Variants in STK3 observed in about 807,000 individuals in gnomAD.
STK3 encodes the protein serine/threonine kinase 3, also known as serine/threonine-protein kinase 3.
STK3 carries 41 observed loss-of-function variants against 58.0 expected under a neutral mutation model. The observed-to-expected ratio is 0.71, with a 90% CI of 0.55 to 0.92. The LOEUF (loss-of-function observed/expected upper bound fraction) is 0.92. Ranked by LOEUF, STK3 falls within the 40% of genes least tolerant of loss-of-function variation. STK3 has a pLI of 0.00. For missense variants in STK3, 479 were observed against 602.7 expected, an observed-to-expected ratio of 0.79 and a Z score of 2.15; for synonymous variants, 170 against 191.0, an observed-to-expected ratio of 0.89 and a Z score of 0.91.
chr8:98,471,357 CTTTTTTTT>C (rs554417267), intron 10 of STK3, among the ~76,000 whole-genome samples: 4 of 129,644 alleles, frequency 3.1e-5, no homozygotes, highest in Admixed American at 7.8e-5. Context: ...TTTTCCTTTT[CTTTTTTTT>C]TTTTTTTTAA....
chr8:98,628,814 C>A (rs570786099), intron 6 of STK3, among the ~76,000 whole-genome samples: 4 of 67,098 alleles, frequency 6.0e-5, no homozygotes, highest in Admixed American at 5.3e-4. Context: ...CTCCCCTCCA[C>A]ACTCCAAAAA....
chr8:98,754,806 G>A (rs1486912598), intron 3 of STK3, among the ~76,000 whole-genome samples: 4 of 151,232 alleles, frequency 2.6e-5, no homozygotes, highest in Non-Finnish European at 4.4e-5. Flanking sequence ...CACCATGCCC[G>A]CCAAAAAAAA....
At chr8:98,530,276 T>A (rs979164082) in intron 9 of STK3, among the ~76,000 whole-genome samples, 1 of 152,182 alleles carries the variant, frequency 6.6e-6, no homozygotes, top group Non-Finnish European at 1.5e-5. Flanking sequence ...TTAAGCCTAG[T>A]ACCCATTTGT....
chr8:98,579,317 T>G (rs1192917221), intron 8 of STK3, among the ~76,000 whole-genome samples: 1 of 152,232 alleles, frequency 6.6e-6, no homozygotes, highest in African/African-American at 2.4e-5. Context: ...GTACGTTTTA[T>G]CTACAGCATA....
chr8:98,867,718 C>T (rs1046853644), intron 3 of STK3, among the ~76,000 whole-genome samples: 1 of 152,164 alleles, frequency 6.6e-6, no homozygotes, highest in Admixed American at 6.5e-5. Flanking sequence ...TACCAACCTT[C>T]GGCAAGAATT....
chr8:98,502,885 C>T (rs996773680), intron 10 of STK3, among the ~76,000 whole-genome samples: 2 of 152,142 alleles, frequency 1.3e-5, no homozygotes, highest in Admixed American at 1.3e-4. Flanking sequence ...GTGTCTCTGC[C>T]AGGCTTTGGT....
chr8:98,465,696 T>C (rs1000290450), intron 10 of STK3, among the ~76,000 whole-genome samples: 1 of 152,244 alleles, frequency 6.6e-6, no homozygotes, highest in South Asian at 2.1e-4. Flanking sequence ...ACTTTGCCTA[T>C]GTCTGTTCAG....
chr8:98,493,265 T>C (rs1289786290), intron 10 of STK3, among the ~76,000 whole-genome samples: 2 of 151,480 alleles, frequency 1.3e-5, no homozygotes, highest in African/African-American at 2.4e-5. Flanking sequence ...AAGCGTTTCA[T>C]ATCTAAAAGC....
intron 3 of STK3, among the ~76,000 whole-genome samples, chr8:98,763,255 G>GTATA (rs1195674119): frequency 6.6e-6 from 1 of 152,140 alleles, no homozygotes; most frequent in African/African-American, 2.4e-5. Context: ...CTCATTAAAT[G>GTATA]TATACTCTGT....
At chr8:98,452,405 T>A (rs1733029170), downstream of STK3, among the ~76,000 whole-genome samples, 3 of 152,242 alleles carry the variant, frequency 2.0e-5, no homozygotes, top group South Asian at 6.2e-4. Context: ...CCAAATTAGT[T>A]CATACTTTGA....
chr8:98,816,468 A>T (rs1351033905), intron 1 of STK3, among the ~76,000 whole-genome samples: 1 of 151,274 alleles, frequency 6.6e-6, no homozygotes, highest in Non-Finnish European at 1.5e-5. Context: ...CTGAGATTGC[A>T]CTACTGCACT....
At chr8:98,451,000 C>T (rs933055244), downstream of STK3, among the ~76,000 whole-genome samples, 7 of 152,162 alleles carry the variant, frequency 4.6e-5, no homozygotes, top group African/African-American at 1.7e-4. Context: ...CTCATTTAAT[C>T]TCTCTAATTC....
chr8:98,470,245 A>G (rs1254386286), intron 10 of STK3, among the ~76,000 whole-genome samples: 2 of 152,186 alleles, frequency 1.3e-5, no homozygotes, highest in Admixed American at 1.3e-4. Flanking sequence ...CTGGATACCC[A>G]TGATTTACCT....
At chr8:98,809,356 A>G (rs900994214) in intron 1 of STK3, among the ~76,000 whole-genome samples, 11 of 152,248 alleles carry the variant, frequency 7.2e-5, no homozygotes, top group African/African-American at 2.7e-4. Flanking sequence ...CCAGGGAGAT[A>G]GTATCAAAAT....
At chr8:98,891,817 G>A (rs143593746) in intron 1 of STK3, among the ~76,000 whole-genome samples, 2 of 152,236 alleles carry the variant, frequency 1.3e-5, no homozygotes, top group East Asian at 3.9e-4. Context: ...CATGATGTGA[G>A]GGCCGGGGGT....
intron 10 of STK3, among the ~76,000 whole-genome samples, chr8:98,497,971 A>C (rs1016315584): frequency 3.3e-5 from 5 of 152,160 alleles, no homozygotes; most frequent in African/African-American, 1.2e-4. Flanking sequence ...TCCACACAAA[A>C]ACTTGTACAA....
intron 10 of STK3, among the ~76,000 whole-genome samples, chr8:98,514,472 T>C (rs1377868817): frequency 6.6e-6 from 1 of 151,958 alleles, no homozygotes; most frequent in Non-Finnish European, 1.5e-5. Context: ...ACAAAAAACT[T>C]GATAGCTAAA....
At chr8:98,590,225 C>T (rs1441297044) in intron 7 of STK3, among the ~76,000 whole-genome samples, 1 of 152,196 alleles carries the variant, frequency 6.6e-6, no homozygotes, top group Non-Finnish European at 1.5e-5. Flanking sequence ...GTTATGAGTG[C>T]TTCCAGGTGG....
At chr8:98,809,209 G>C (rs924922601) in intron 1 of STK3, among the ~76,000 whole-genome samples, 1 of 152,142 alleles carries the variant, frequency 6.6e-6, no homozygotes, top group African/African-American at 2.4e-5. Flanking sequence ...TGCATTCAAT[G>C]AATCATTGTA....
Sources: allele counts gnomAD v4.1 joint callset (sites outside exome capture counted in the v4.1 genomes callset), GRCh38; gene constraint gnomAD v4.1.1; transcripts MANE v1.5; gene names NCBI Gene and HGNC (gene_info 2026-07-23, HGNC 2026-07-21).